INAVA: variants seen among roughly 807,000 people sequenced by gnomAD.
The protein encoded by INAVA is innate immunity activator.
In INAVA, 32 loss-of-function variants were observed where a neutral mutation model predicts 55.3. The observed-to-expected ratio is 0.58, with a 90% CI of 0.44 to 0.78. INAVA has a LOEUF of 0.78. INAVA is among the 30% of genes least tolerant of loss of function. The pLI, the probability that INAVA is intolerant of heterozygous loss-of-function variation, is 0.00. For missense variants in INAVA, 756 were observed against 786.4 expected, an observed-to-expected ratio of 0.96 and a Z score of 0.46; for synonymous variants, 294 against 329.4, an observed-to-expected ratio of 0.89 and a Z score of 1.16.
intron 8 of INAVA, among the ~76,000 whole-genome samples, chr1:200,910,341 T>G (rs571413166): frequency 2.0e-5 from 3 of 152,296 alleles, no homozygotes; most frequent in African/African-American, 7.2e-5. Flanking sequence ...CTAGGAAAAT[T>G]ACAAATACTG....
At chr1:200,904,466 A>G (rs1653402371) in intron 5 of INAVA, among the ~76,000 whole-genome samples, 1 of 152,208 alleles carries the variant, frequency 6.6e-6, no homozygotes, top group Non-Finnish European at 1.5e-5. Flanking sequence ...GCATGTGGCT[A>G]TGGAGCATTT....
rs143616856 is a variant in INAVA at position 200,909,726 on chromosome 1, T to C, written c.959+329T>C. The stretch of plus-strand genomic sequence containing the variant: ...GACAATAGGCAACTCACTTTTTCAA[T>C]TGATGCACAGTTGATTCTCATTATC... On this transcript the variant is annotated intron_variant, in intron 8 of 9. Transcript: ENST00000413687. Among the ~76,000 whole-genome samples, 4 of 152,372 alleles carry C rather than the reference T, an allele frequency of 2.6e-5. No individual in the cohort carries two copies. In the East Asian group the frequency reaches 5.8e-4, roughly 22 times the overall value.
chr1:200,909,221 C>A lies in INAVA; in HGVS notation c.786-3C>A. 1 of 1,500,518 alleles carries A rather than the reference C, an allele frequency of 6.7e-7. No individual in the cohort carries two copies. 93.0% of individuals were successfully genotyped at this position (1,500,518 alleles called of 1,614,324 possible). ...CACTGACCTGTCTCTAATCCTTTTG[C>A]AGCAGCCCAGCCACCACACCACAGG... On this transcript the variant is annotated splice_polypyrimidine_tract_variant and splice_region_variant and intron_variant, in intron 7 of 9. Coordinates refer to ENST00000413687, the MANE Select transcript of INAVA (RefSeq NM_001142569.3).
chr1:200,891,909 T>G (rs912356536), upstream of INAVA, among the ~76,000 whole-genome samples: 2 of 151,884 alleles, frequency 1.3e-5, no homozygotes, highest in African/African-American at 4.8e-5. Flanking sequence ...TGCCTGTGGA[T>G]CTTCCTGGCC....
Position 200,911,851 on chromosome 1 carries a change from G to A in INAVA, c.1358G>A (p.Arg453His). The A allele has an allele frequency of 1.3e-6, 2 of 1,594,354 alleles. No individual in the cohort carries two copies. The highest frequency in any genetic ancestry group is 1.7e-6 in the Non-Finnish European group (2 of 1,176,106). Residue 453 changes from arginine (R) to histidine (H), a missense_variant, in exon 9 of 10, where the codon CGC becomes CAC. Arg to His is a conservative substitution (Grantham distance 29). Transcript: ENST00000413687. ...CTGCCGCCTGGCGAGTGGGAGCTGC[G>A]CCGCGCAGCCCCGGGCCCTGCTTAC... ...SPLPPGEWEL[R>H]RAAPGPAYEE... is the part of the protein sequence containing the mutation.
rs750344958 is a variant in INAVA at position 200,908,866 on chromosome 1, C to T, written c.711C>T (p.Ser237=). Residue 237 remains serine, a synonymous_variant, in exon 7 of 10, where the codon AGC becomes AGT. Coordinates refer to ENST00000413687, the MANE Select transcript of INAVA (RefSeq NM_001142569.3). The part of the protein sequence containing the change: ...GSPERAPVQN[S]PWKETSLDHP... ...CAGAACGGGCTCCAGTCCAGAACAG[C>T]CCCTGGAAGGAAACCAGCCTGGACC... The T allele has an allele frequency of 1.2e-6, 2 of 1,614,034 alleles. No homozygotes were observed. Among genetic ancestry groups the T allele is most frequent in the Non-Finnish European group, 1.7e-6 (2 of 1,179,990 alleles).
At chr1:200,912,247 A>C (rs1334211614) in intron 9 of INAVA, 110 bp downstream of exon 9, 73 of 1,038,480 alleles carry the variant, frequency 7.0e-5, no homozygotes, top group Non-Finnish European at 2.8e-5. Context: ...GCAGCAACCT[A>C]GTGGCCGGGT....
Position 200,895,004 on chromosome 1 carries a change from C to G in INAVA, c.-178C>G. 1.0e-6 allele frequency: 1 copy of G among 985,628 alleles called. No homozygotes were observed. The highest frequency in any genetic ancestry group is 1.2e-6 in the Non-Finnish European group (1 of 830,082). The allele number at this position is 985,628 out of a possible 1,614,324, so 61.1% of individuals were successfully genotyped here. A position where few individuals can be genotyped will look rare whatever the true frequency, so the allele number is the denominator to read the frequency against. On this transcript the variant is annotated 5_prime_UTR_variant, in exon 1 of 10. Transcript: ENST00000413687. The stretch of plus-strand genomic sequence containing the variant: ...AGCACAGGCCTGTGGCTTGGGAGAC[C>G]CTGAGGCGACATGTGAGGGCCCTGA...
intron 1 of INAVA, among the ~76,000 whole-genome samples, chr1:200,897,619 T>A (rs1238322511): frequency 6.6e-6 from 1 of 152,088 alleles, no homozygotes; most frequent in African/African-American, 2.4e-5. Context: ...CATAAAGATG[T>A]CTTCCCCTTC....
intron 9 of INAVA, 31 bp downstream of exon 9, chr1:200,912,168 A>G (rs1294032431): frequency 4.0e-5 from 61 of 1,521,610 alleles, no homozygotes; most frequent in Non-Finnish European, 5.2e-5. Context: ...CCCCGGGGCC[A>G]GGCAGGAGGG....
In INAVA at chr1:200,899,402, G is replaced by C. The variant is rs145781743; in HGVS notation, c.56-71G>C. The stretch of plus-strand genomic sequence containing the variant: ...GTGTGTGCATGTGCATTCCCCTAGG[G>C]GTGGTCAATAAGTAACGGAGGAGGC... On this transcript the variant is annotated intron_variant, in intron 2 of 9. Coordinates refer to ENST00000413687, the MANE Select transcript of INAVA (RefSeq NM_001142569.3). 3 of 1,599,608 alleles carry C rather than the reference G, an allele frequency of 1.9e-6. No individual in the cohort carries two copies. In the African/African-American group the frequency reaches 4.0e-5, roughly 21 times the overall value.
intron 3 of INAVA, among the ~76,000 whole-genome samples, 180 bp downstream of exon 3, chr1:200,899,777 A>G (rs954173589): frequency 1.3e-5 from 2 of 152,228 alleles, no homozygotes; most frequent in Non-Finnish European, 2.9e-5. Flanking sequence ...TGGATGGAGA[A>G]GAGTCAGACC....
upstream of INAVA, chr1:200,891,752 A>G (rs745872362): frequency 4.5e-6 from 6 of 1,336,346 alleles, no homozygotes; most frequent in Admixed American, 3.2e-5. Flanking sequence ...GGGGCGGGGG[A>G]TCGGGCCCCT....
chr1:200,911,694 C>G lies in INAVA; in HGVS notation c.1201C>G (p.Pro401Ala). The G allele has an allele frequency of 6.2e-7, 1 of 1,613,898 alleles. No individual in the cohort carries two copies. The change falls in exon 9 of 10, where the codon CCC (proline) becomes GCC (alanine). Residue 401 changes from proline to alanine, a missense_variant. Transcript: ENST00000413687. ...DISFLQPLSP[P>A]KTHRHRGAWV... ...CTCCTTTCTGCAGCCTCTCTCCCCTCCCAAGACCCATCGTCACCGCGGGGC... is the reference window on the plus strand; with the variant it reads ...CTCCTTTCTGCAGCCTCTCTCCCCTGCCAAGACCCATCGTCACCGCGGGGC...
intron 5 of INAVA, among the ~76,000 whole-genome samples, chr1:200,905,257 C>T (rs1400460188): frequency 6.6e-6 from 1 of 152,090 alleles, no homozygotes; most frequent in Non-Finnish European, 1.5e-5. Flanking sequence ...CATTAAATTG[C>T]GGAGCAGGCT....
chr1:200,912,155 G>A lies in INAVA; in HGVS notation c.1644+18G>A. 1 of 1,536,610 alleles carries A rather than the reference G, an allele frequency of 6.5e-7. No homozygotes were observed. Among genetic ancestry groups the A allele is most frequent in the Non-Finnish European group, 8.8e-7 (1 of 1,141,898 alleles). Reference sequence around the variant, plus strand: ...GGGCACAGGTACGGCTGCTCTGGAGGGACCCCGGGGCCAGGCAGGAGGGCT... The same window carrying A: ...GGGCACAGGTACGGCTGCTCTGGAGAGACCCCGGGGCCAGGCAGGAGGGCT... On this transcript the variant is annotated intron_variant, in intron 9 of 9. Coordinates refer to ENST00000413687, the MANE Select transcript of INAVA (RefSeq NM_001142569.3).
intron 8 of INAVA, among the ~76,000 whole-genome samples, chr1:200,909,867 T>C (rs1653645405): frequency 6.6e-6 from 1 of 152,186 alleles, no homozygotes. Context: ...GGTCACGACA[T>C]TTTGCATCAA....
chr1:200,898,732 C>A (rs1422628664), intron 2 of INAVA, among the ~76,000 whole-genome samples: 1 of 152,192 alleles, frequency 6.6e-6, no homozygotes, highest in Non-Finnish European at 1.5e-5. Context: ...TCAACTTTAG[C>A]CCCAGCTGAG....
At position 200,909,366 on chromosome 1, in the gene INAVA, C is replaced by T; in HGVS notation, c.928C>T (p.Gln310Ter). Residue 310 changes from glutamine to a stop codon, truncating the protein, a stop_gained, in exon 8 of 10, where the codon CAG becomes TAG. Coordinates refer to ENST00000413687, the MANE Select transcript of INAVA (RefSeq NM_001142569.3). LOFTEE classifies it high-confidence loss of function. The stretch of plus-strand genomic sequence containing the variant: ...CAGTGCCCCAGCCACCCCTGAGATA[C>T]AGGGGAGGAGGGGCCAGTCGCAGTC... Reference protein sequence around the residue: ...RTSAPATPEIQGRRGQSQSLR... With the variant: ...RTSAPATPEI The T allele has an allele frequency of 1.2e-6, 2 of 1,607,910 alleles. No individual in the cohort carries two copies. Among genetic ancestry groups the T allele is most frequent in the Non-Finnish European group, 1.7e-6 (2 of 1,176,528 alleles).
Sources: gnomAD v4.1 joint callset for allele counts (sites outside exome capture counted in the v4.1 genomes callset) on GRCh38, gnomAD v4.1.1 for gene constraint, MANE v1.5 for transcripts, NCBI Gene and HGNC (gene_info 2026-07-23, HGNC 2026-07-21) for gene names.